The following HERC2 variants were observed in gnomAD, a reference collection of about 807,000 sequenced individuals.
HERC2 encodes HECT and RLD domain containing E3 ubiquitin protein ligase 2, also known as E3 ubiquitin-protein ligase HERC2.
HERC2 carries 102 observed loss-of-function variants against 537.7 expected under a neutral mutation model. The ratio of observed to expected loss-of-function variants is 0.19; its 90% confidence interval spans 0.16 to 0.22. The LOEUF (loss-of-function observed/expected upper bound fraction) is 0.22. HERC2 is among the 10% of genes least tolerant of loss of function. HERC2 has a pLI of 1.00. For missense variants in HERC2, 4,236 were observed against 6,198.2 expected, an observed-to-expected ratio of 0.68 and a Z score of 10.63; for synonymous variants, 2,224 against 2,466.2, an observed-to-expected ratio of 0.90 and a Z score of 2.91.
At position 28,220,621 on chromosome 15, in the gene HERC2, G is replaced by T. The variant is rs148823452; in HGVS notation, c.5676C>A (p.Gly1892=). ...CCTCTCCCAGCTCACCAATCACGCGGCCTAGGCCTGGAGGAGGCCCATCCT... is the reference window on the plus strand; with the variant it reads ...CCTCTCCCAGCTCACCAATCACGCGTCCTAGGCCTGGAGGAGGCCCATCCT... ...GDQDGPPPGL[G]RVIGELGEDG... is the part of the protein sequence containing the mutation. Residue 1892 remains glycine (G), a synonymous_variant, in exon 37 of 93, where the codon GGC becomes GGA. Coordinates refer to ENST00000261609, the MANE Select transcript of HERC2 (RefSeq NM_004667.6). 2.5e-6 allele frequency: 4 copies of T among 1,604,100 alleles called. No homozygotes were observed. The highest frequency in any genetic ancestry group is 3.4e-6 in the Non-Finnish European group (4 of 1,179,820).
chr15:28,172,503 C>A (rs1894802245), intron 65 of HERC2, among the ~76,000 whole-genome samples: 1 of 152,120 alleles, frequency 6.6e-6, no homozygotes, highest in African/African-American at 2.4e-5. Context: ...CTCACAAAGG[C>A]AAAAGGCAAT....
In HERC2 at chr15:28,263,010, T is replaced by C; in HGVS notation, c.2030A>G (p.Gln677Arg). 1.2e-6 allele frequency: 2 copies of C among 1,614,182 alleles called. No individual in the cohort carries two copies. The change falls in exon 15 of 93, where the codon CAA (glutamine) becomes CGA (arginine). Residue 677 changes from glutamine to arginine, a missense_variant. Transcript: ENST00000261609. ...GTCACCTTTTCCCCATGAATAAACT[T>C]GGCCATCTTTCGTCAAAGCAATGGA... ...QFSIALTKDG[Q>R]VYSWGKGDNQ...
rs1208783423 is a variant in HERC2 at position 28,202,520 on chromosome 15, G to C, written c.7307C>G (p.Thr2436Arg). Residue 2436 changes from threonine to arginine, a missense_variant, in exon 46 of 93, where the codon ACG (threonine) becomes AGG (arginine). Transcript: ENST00000261609. Reference protein sequence around the residue: ...FEDCSSSEATTPVAVQHIRPA... With the variant: ...FEDCSSSEATRPVAVQHIRPA... ...GCGGATGTGCTGCACGGCGACAGGC[G>C]TGGTGGCCTCACTGGAGCTGCAGTC... 6 of 1,181,164 alleles carry C rather than the reference G, an allele frequency of 5.1e-6. 1 individual carries two copies. In the South Asian group the frequency reaches 6.6e-5, roughly 13 times the overall value. 73.2% of individuals were successfully genotyped at this position (1,181,164 alleles called of 1,614,324 possible). A position where few individuals can be genotyped will look rare whatever the true frequency, so the allele number is the denominator to read the frequency against.
At chr15:28,299,345 A>G in intron 3 of HERC2, 57 bp downstream of exon 3, 2 of 671,930 alleles carry the variant, frequency 3.0e-6, no homozygotes, top group Non-Finnish European at 5.3e-6. Context: ...AAATTTCTAT[A>G]AAATGCATTT....
intron 38 of HERC2, among the ~76,000 whole-genome samples, chr15:28,217,469 G>A (rs994431640): frequency 2.6e-5 from 4 of 151,938 alleles, no homozygotes; most frequent in African/African-American, 9.7e-5. Flanking sequence ...ACTAATACAC[G>A]CATGCTCTCA....
chr15:28,168,343 T>C (rs1428566700), intron 67 of HERC2, 64 bp downstream of exon 67: 7 of 1,507,456 alleles, frequency 4.6e-6, no homozygotes, highest in Non-Finnish European at 6.4e-6. Flanking sequence ...CAATGAGACT[T>C]TCCTAGACAC....
intron 3 of HERC2, among the ~76,000 whole-genome samples, chr15:28,294,277 C>T (rs1011571492): frequency 1.3e-5 from 2 of 151,678 alleles, no homozygotes; most frequent in Non-Finnish European, 2.9e-5. Flanking sequence ...GAACTAATGG[C>T]TGAAAACTTC....
chr15:28,257,000 C>A lies in HERC2; in HGVS notation c.2517+61G>T, dbSNP rs1406898558. 2.8e-6 allele frequency: 4 copies of A among 1,430,304 alleles called. No individual in the cohort carries two copies. In the African/African-American group the frequency reaches 4.2e-5, roughly 15 times the overall value. The allele number at this position is 1,430,304 out of a possible 1,614,324, so 88.6% of individuals were successfully genotyped here. A position where few individuals can be genotyped will look rare whatever the true frequency, so the allele number is the denominator to read the frequency against. On this transcript the variant is annotated intron_variant, in intron 17 of 92. Coordinates refer to ENST00000261609, the MANE Select transcript of HERC2 (RefSeq NM_004667.6). ...ACCCATGCCCTTCAAAATACATAAA[C>A]CTTCTTACAAATCCCTAAGACACTT...
chr15:28,168,279 A>C, intron 67 of HERC2, 128 bp downstream of exon 67: 1 of 885,620 alleles, frequency 1.1e-6, no homozygotes, highest in Non-Finnish European at 1.7e-6. Flanking sequence ...TATTCTTCTA[A>C]GTAAAGCCAA....
chr15:28,263,204 T>C, intron 14 of HERC2, 35 bp from the exon 15 acceptor site: 1 of 1,584,334 alleles, frequency 6.3e-7, no homozygotes, highest in Non-Finnish European at 8.6e-7. Flanking sequence ...TAACAACAAC[T>C]CTGCATTTTA....
chr15:28,200,739 AATT>A (rs1021403462), intron 48 of HERC2, among the ~76,000 whole-genome samples: 1 of 150,256 alleles, frequency 6.7e-6, no homozygotes, highest in Non-Finnish European at 1.5e-5. Context: ...GATATTAAGG[AATT>A]ATTATTTATT....
intron 69 of HERC2, 72 bp downstream of exon 69, chr15:28,163,022 C>T: frequency 7.7e-7 from 1 of 1,301,848 alleles, no homozygotes; most frequent in Non-Finnish European, 1.1e-6. Context: ...CATAGCAGCT[C>T]TCCTTTGGAG....
intron 83 of HERC2, 149 bp downstream of exon 83, chr15:28,130,014 C>T: frequency 1.2e-6 from 1 of 850,984 alleles, no homozygotes; most frequent in Non-Finnish European, 1.8e-6. Context: ...ACCTCGTGAT[C>T]CGCCTGCCTC....
intron 69 of HERC2, among the ~76,000 whole-genome samples, chr15:28,158,599 C>T (rs1169415236): frequency 6.6e-6 from 1 of 152,186 alleles, no homozygotes; most frequent in African/African-American, 2.4e-5. Flanking sequence ...GTAGATCTTT[C>T]TCCATCCCTT....
At position 28,238,782 on chromosome 15, in the gene HERC2, C is replaced by G. The variant is rs1399063012; in HGVS notation, c.3578-10G>C. On this transcript the variant is annotated splice_polypyrimidine_tract_variant and intron_variant, in intron 23 of 92. Coordinates refer to ENST00000261609, the MANE Select transcript of HERC2 (RefSeq NM_004667.6). ...CCTGTAAAAAATGACTCTGTATATA[C>G]AGAAACCAGAATCAGTCCATTGATC... 6.3e-7 allele frequency: 1 copy of G among 1,591,954 alleles called. No individual in the cohort carries two copies. Among genetic ancestry groups the G allele is most frequent in the Admixed American group, 1.7e-5 (1 of 59,976 alleles).
At chr15:28,295,395 G>A (rs1410923910) in intron 3 of HERC2, among the ~76,000 whole-genome samples, 1 of 151,978 alleles carries the variant, frequency 6.6e-6, no homozygotes, top group African/African-American at 2.4e-5. Context: ...CTTTGTGTAT[G>A]GTCTGAAAAC....
chr15:28,171,871 G>A (rs1440465528), intron 65 of HERC2, among the ~76,000 whole-genome samples: 9 of 151,954 alleles, frequency 5.9e-5, no homozygotes, highest in African/African-American at 1.5e-4. Context: ...TCAGGAGATC[G>A]ATTCTGTCCT....
At chr15:28,210,071 C>T (rs560716769) in intron 44 of HERC2, among the ~76,000 whole-genome samples, 39 of 148,694 alleles carry the variant, frequency 2.6e-4, no homozygotes, top group Admixed American at 1.9e-3. Context: ...AAGTGATTCT[C>T]CTGCCTCAGC....
chr15:28,155,740 T>C (rs1892942874), intron 69 of HERC2, among the ~76,000 whole-genome samples: 1 of 152,188 alleles, frequency 6.6e-6, no homozygotes, highest in Non-Finnish European at 1.5e-5. Context: ...GTAGTTTCTT[T>C]TGCTGTGCAG....
Sources: allele counts gnomAD v4.1 joint callset (sites outside exome capture counted in the v4.1 genomes callset), GRCh38; gene constraint gnomAD v4.1.1; transcripts MANE v1.5; gene names NCBI Gene and HGNC (gene_info 2026-07-23, HGNC 2026-07-21).